The following NUDCD1 variants were observed in gnomAD, a reference collection of about 807,000 sequenced individuals.
NUDCD1 encodes the protein NudC domain containing 1.
NUDCD1 carries 60 observed loss-of-function variants against 67.8 expected under a neutral mutation model. That is an observed-to-expected ratio of 0.88 (90% CI 0.72 to 1.10). The LOEUF (loss-of-function observed/expected upper bound fraction) is 1.10. Ranked by LOEUF, NUDCD1 falls within the 50% of genes least tolerant of loss-of-function variation. The probability of loss-of-function intolerance (pLI) is 0.00; values close to 1 mark genes in which losing one functional copy is unlikely to be tolerated. For synonymous variants in NUDCD1, 244 were observed against 230.8 expected, an observed-to-expected ratio of 1.06 and a Z score of -0.52; for missense variants, 643 against 695.0, an observed-to-expected ratio of 0.93 and a Z score of 0.84.
intron 5 of NUDCD1, among the ~76,000 whole-genome samples, chr8:109,286,970 C>T (rs746873632): frequency 6.6e-5 from 10 of 152,144 alleles, no homozygotes; most frequent in Non-Finnish European, 1.0e-4. Context: ...ACATGAACAG[C>T]ACTTCGCAAA....
intron 8 of NUDCD1, among the ~76,000 whole-genome samples, chr8:109,256,259 T>C (rs554432311): frequency 2.2e-4 from 33 of 152,138 alleles, no homozygotes; most frequent in South Asian, 2.1e-4. Flanking sequence ...AAAAATAAGA[T>C]AATCAGGACT....
intron 2 of NUDCD1, among the ~76,000 whole-genome samples, chr8:109,297,018 A>C (rs1483025012): frequency 6.6e-6 from 1 of 152,186 alleles, no homozygotes. Context: ...CTATAAACTC[A>C]TGAAAAAATC....
chr8:109,273,363 A>G (rs1290223741), intron 7 of NUDCD1, among the ~76,000 whole-genome samples: 1 of 152,148 alleles, frequency 6.6e-6, no homozygotes, highest in East Asian at 1.9e-4. Flanking sequence ...CATCAAATCA[A>G]ATCAATCCCT....
chr8:109,249,536 G>T (rs1341114225), intron 8 of NUDCD1, among the ~76,000 whole-genome samples: 1 of 152,040 alleles, frequency 6.6e-6, no homozygotes, highest in East Asian at 1.9e-4. Context: ...AGAATTCATT[G>T]TTCTACTTGT....
rs1391106510 is a variant in NUDCD1, at chr8:109,288,720, G to A, written c.823+1031C>T. ...TTATTTCTTTACTTTCTTAATCAAC[G>A]TGTTTTCACTTAAAAACAAAAAGGT... On this transcript the variant is annotated intron_variant, in intron 5 of 9. Coordinates refer to ENST00000239690, the MANE Select transcript of NUDCD1 (RefSeq NM_032869.4). 4.0e-5 allele frequency among the ~76,000 whole-genome samples: 6 copies of A among 151,830 alleles called. No homozygotes were observed. In the South Asian group the frequency reaches 1.2e-3, roughly 31 times the overall value.
intron 2 of NUDCD1, among the ~76,000 whole-genome samples, chr8:109,310,641 T>G (rs1407060306): frequency 6.6e-6 from 1 of 151,578 alleles, no homozygotes; most frequent in Admixed American, 6.6e-5. Flanking sequence ...AACTAAAGAG[T>G]TTTTGCACAG....
At chr8:109,259,315 G>A (rs1213053344) in intron 8 of NUDCD1, among the ~76,000 whole-genome samples, 1 of 152,174 alleles carries the variant, frequency 6.6e-6, no homozygotes, top group African/African-American at 2.4e-5. Flanking sequence ...TGATACTCTG[G>A]GTTAATGCTA....
At chr8:109,296,697 G>C in intron 2 of NUDCD1, 128 bp from the exon 3 acceptor site, 1 of 641,906 alleles carries the variant, frequency 1.6e-6, no homozygotes, top group Non-Finnish European at 2.6e-6. Context: ...TTCCTTTGAT[G>C]TGAGCTGTCC....
chr8:109,284,559 T>A (rs1240372909), intron 5 of NUDCD1, among the ~76,000 whole-genome samples: 2 of 151,828 alleles, frequency 1.3e-5, no homozygotes, highest in African/African-American at 4.8e-5. Context: ...TTATAAAAAA[T>A]GAAATCATAC....
chr8:109,275,132 C>A (rs1444879781), intron 7 of NUDCD1, among the ~76,000 whole-genome samples: 1 of 151,884 alleles, frequency 6.6e-6, no homozygotes, highest in East Asian at 1.9e-4. Flanking sequence ...ACAGGCAAAC[C>A]CTCTATACAG....
chr8:109,294,663 G>C (rs1027731397), intron 3 of NUDCD1, among the ~76,000 whole-genome samples: 1 of 152,036 alleles, frequency 6.6e-6, no homozygotes. Flanking sequence ...AAAATTGTTA[G>C]GCTGAAGTTT....
chr8:109,254,881 C>T (rs1412031435), intron 8 of NUDCD1, among the ~76,000 whole-genome samples: 2 of 152,120 alleles, frequency 1.3e-5, no homozygotes, highest in Non-Finnish European at 2.9e-5. Context: ...ATTCCAAATT[C>T]ATATTCTGTA....
chr8:109,259,063 C>T (rs1813805442), intron 8 of NUDCD1, among the ~76,000 whole-genome samples: 1 of 152,288 alleles, frequency 6.6e-6, no homozygotes, highest in Admixed American at 6.5e-5. Flanking sequence ...ACATTTTCTG[C>T]ATATCTTTGA....
chr8:109,275,892 G>C (rs181758413), intron 6 of NUDCD1, among the ~76,000 whole-genome samples: 1 of 152,148 alleles, frequency 6.6e-6, no homozygotes, highest in Admixed American at 6.5e-5. Context: ...TAAAAGGGCT[G>C]TAATTAAAGG....
At chr8:109,296,856 T>C (rs1814855690) in intron 2 of NUDCD1, among the ~76,000 whole-genome samples, 1 of 152,242 alleles carries the variant, frequency 6.6e-6, no homozygotes, top group Admixed American at 6.5e-5. Flanking sequence ...ATGCTATGAA[T>C]ATGCTTAAGG....
chr8:109,264,538 T>C (rs920814892), intron 8 of NUDCD1, among the ~76,000 whole-genome samples: 3 of 152,130 alleles, frequency 2.0e-5, no homozygotes, highest in African/African-American at 7.2e-5. Flanking sequence ...GGTAAAAACA[T>C]CCATTCAAAG....
intron 2 of NUDCD1, among the ~76,000 whole-genome samples, chr8:109,311,559 G>GTGTGTGTATATATATA: frequency 2.6e-4 from 33 of 125,088 alleles, no homozygotes; most frequent in South Asian, 1.2e-3. Context: ...AAACTGTGGT[G>GTGTGTGTATATATATA]TATATATATA....
At chr8:109,261,457 A>G (rs1343113531) in intron 8 of NUDCD1, among the ~76,000 whole-genome samples, 1 of 152,172 alleles carries the variant, frequency 6.6e-6, no homozygotes, top group Non-Finnish European at 1.5e-5. Flanking sequence ...TTAAAGAAAA[A>G]AAGTCACAAA....
At chr8:109,264,640 G>A (rs566261127) in intron 8 of NUDCD1, among the ~76,000 whole-genome samples, 1 of 152,258 alleles carries the variant, frequency 6.6e-6, no homozygotes, top group South Asian at 2.1e-4. Flanking sequence ...AAATTTTGGT[G>A]TAATATCAAA....
Sources: gnomAD v4.1 joint callset for allele counts (sites outside exome capture counted in the v4.1 genomes callset) on GRCh38, gnomAD v4.1.1 for gene constraint, MANE v1.5 for transcripts, NCBI Gene and HGNC (gene_info 2026-07-23, HGNC 2026-07-21) for gene names.